Variants in BRIP1 observed in about 807,000 individuals in gnomAD.
BRIP1 encodes the protein Fanconi anemia group J protein.
BRIP1 carries 88 observed loss-of-function variants against 119.7 expected under a neutral mutation model. That is an observed-to-expected ratio of 0.74 (90% confidence interval 0.62 to 0.88). BRIP1 has a LOEUF of 0.88. BRIP1 is among the 40% of genes least tolerant of loss of function. BRIP1 has a pLI of 0.00. For synonymous variants in BRIP1, 443 were observed against 496.5 expected (o/e 0.89, Z 1.43); for missense variants, 1,259 against 1,455.4 (o/e 0.87, Z 2.20).
Position 61,700,706 on chromosome 17 carries a change from G to A in BRIP1, c.2493-7194C>T, listed in dbSNP as rs1337695523. On this transcript the variant is annotated intron_variant, in intron 17 of 19. Transcript: ENST00000259008. The surrounding 1 kb of genome is among the most constrained non-coding windows in gnomAD (Gnocchi z 4.1). ...TAACGTTTTTCATCAAATTCGGAAC[G>A]TTTTCAGCCATAATTTCTTTAAATA... 2.0e-5 allele frequency among the ~76,000 whole-genome samples: 3 copies of A among 152,044 alleles called. No homozygotes were observed. The highest frequency in any genetic ancestry group is 7.2e-5 in the African/African-American group (3 of 41,408).
At position 61,854,240 on chromosome 17, in the gene BRIP1, T is replaced by C. The variant is rs181511676; in HGVS notation, c.379+2818A>G. On this transcript the variant is annotated intron_variant, in intron 4 of 19. Transcript: ENST00000259008. ...GCCAAGTGAGCCAAGATCACAGTAC[T>C]GTACCCAGCCTGGGCAACAGAATGA... Among the ~76,000 whole-genome samples, 112 of 152,164 alleles carry C rather than the reference T, an allele frequency of 7.4e-4. No homozygotes were observed. In the East Asian group the frequency reaches 0.021, roughly 28 times the overall value.
intron 4 of BRIP1, among the ~76,000 whole-genome samples, chr17:61,849,742 A>G (rs1261402518): frequency 6.6e-6 from 1 of 152,182 alleles, no homozygotes; most frequent in Non-Finnish European, 1.5e-5. Flanking sequence ...TCACCAAATA[A>G]CATTAATTAT....
rs1301697804 is a variant in BRIP1 at position 61,754,633 on chromosome 17, C to T, written c.2098-10042G>A. ...TTCTTACAGTTATTAGTTTAAGCCA[C>T]AGATTGAGTGGCTTAAACAAGAGAA... On this transcript the variant is annotated intron_variant, in intron 14 of 19. Coordinates refer to ENST00000259008, the MANE Select transcript of BRIP1 (RefSeq NM_032043.3). The surrounding 1 kb of genome is among the most constrained non-coding windows in gnomAD (Gnocchi z 4.1). 6.6e-6 allele frequency among the ~76,000 whole-genome samples: 1 copy of T among 152,152 alleles called. No individual in the cohort carries two copies. The highest frequency in any genetic ancestry group is 2.4e-5 in the African/African-American group (1 of 41,426).
rs2077877960 is a variant in BRIP1 at position 61,794,968 on chromosome 17, T to C, written c.1341-1239A>G. Among the ~76,000 whole-genome samples, 4 of 152,090 alleles carry C rather than the reference T, an allele frequency of 2.6e-5. No individual in the cohort carries two copies. In the South Asian group the frequency reaches 6.2e-4, roughly 24 times the overall value. ...TTGAGGATCTGAAAGAAAGCCAATA[T>C]GATTTGCAGCACAATGGGCAAAAAT... On this transcript the variant is annotated intron_variant, in intron 9 of 19. Transcript: ENST00000259008. The surrounding 1 kb of genome is among the most constrained non-coding windows in gnomAD (Gnocchi z 4.3).
chr17:61,776,387 A>C lies in BRIP1; in HGVS notation c.2097+14T>G. 1 of 1,613,838 alleles carries C rather than the reference A, an allele frequency of 6.2e-7. No individual in the cohort carries two copies. Among genetic ancestry groups the C allele is most frequent in the Non-Finnish European group, 8.5e-7 (1 of 1,179,724 alleles). ...ATTATTTAAAGGCAAAAGAAACAAT[A>C]AATATTCCCTTACCTTGTAAGATGG... On this transcript the variant is annotated intron_variant, in intron 14 of 19. Transcript: ENST00000259008. The surrounding 1 kb of genome is among the most constrained non-coding windows in gnomAD (Gnocchi z 5.0).
Position 61,815,404 on chromosome 17 carries a change from G to GT in BRIP1, c.628-6648dup, listed in dbSNP as rs1294061163. On this transcript the variant is annotated intron_variant, in intron 6 of 19. Transcript: ENST00000259008. This position sits in a 1 kb window ranked among gnomAD's most constrained non-coding sequence, Gnocchi z 4.1. ...GGCTTTATTCCAGAATTTATATCTG[G>GT]TTTTTTAACGAAAATCAAATGGAAA... is the stretch of plus-strand genomic sequence containing the variant. Among the ~76,000 whole-genome samples the GT allele has an allele frequency of 6.6e-6, 1 of 152,048 alleles. No individual in the cohort carries two copies. The highest frequency in any genetic ancestry group is 1.9e-4 in the East Asian group (1 of 5,186).
At chr17:61,777,204 A>T (rs1426936068) in intron 13 of BRIP1, among the ~76,000 whole-genome samples, 1 of 152,196 alleles carries the variant, frequency 6.6e-6, no homozygotes, top group Admixed American at 6.5e-5. Context: ...GAAATTTCTA[A>T]TTTTTTGAAA....
rs776094225 is a variant in BRIP1 at position 61,843,737 on chromosome 17, A to G, written c.627+3364T>C. On this transcript the variant is annotated intron_variant, in intron 6 of 19. Coordinates refer to ENST00000259008, the MANE Select transcript of BRIP1 (RefSeq NM_032043.3). The surrounding 1 kb of genome is among the most constrained non-coding windows in gnomAD (Gnocchi z 5.7). ...CAGATGCTGACACCATGCTTCCTGC[A>G]CAGCCTACAGAACTGTGAGTGAAAA... Among the ~76,000 whole-genome samples, 9 of 152,126 alleles carry G rather than the reference A, an allele frequency of 5.9e-5. No homozygotes were observed. Among genetic ancestry groups the G allele is most frequent in the Non-Finnish European group, 1.2e-4 (8 of 68,012 alleles).
At position 61,681,613 on chromosome 17, in the gene BRIP1, A is replaced by G. The variant is rs1346473211; in HGVS notation, c.*1683T>C. On this transcript the variant is annotated 3_prime_UTR_variant, in exon 20 of 20. Coordinates refer to ENST00000259008, the MANE Select transcript of BRIP1 (RefSeq NM_032043.3). The surrounding 1 kb of genome is among the most constrained non-coding windows in gnomAD (Gnocchi z 5.1). ...TTGTTTCACCCTTTCAAAACAATGT[A>G]AAAATTACCTTCTAATCGAGTATTT... The G allele has an allele frequency of 1.0e-5, 2 of 200,760 alleles. No individual in the cohort carries two copies. The highest frequency in any genetic ancestry group is 2.1e-5 in the Non-Finnish European group (2 of 97,388). The allele number at this position is 200,760 out of a possible 1,614,324, so 12.4% of individuals were successfully genotyped here.
chr17:61,784,220 A>C lies in BRIP1; in HGVS notation c.1628+50T>G, dbSNP rs775662411. On this transcript the variant is annotated intron_variant, in intron 11 of 19. Transcript: ENST00000259008. The stretch of plus-strand genomic sequence containing the variant: ...ATGTATTAAACACATGCTAGCATCC[A>C]AATTAGGCTATTTTTAAAAGGAAAA... The C allele has an allele frequency of 3.2e-6, 5 of 1,551,904 alleles. No homozygotes were observed. Among genetic ancestry groups the C allele is most frequent in the Non-Finnish European group, 4.4e-6 (5 of 1,127,404 alleles).
In BRIP1 at chr17:61,689,488, G is replaced by A. The variant is rs1349319333; in HGVS notation, c.2576-3323C>T. 6.6e-6 allele frequency among the ~76,000 whole-genome samples: 1 copy of A among 152,128 alleles called. No homozygotes were observed. Among genetic ancestry groups the A allele is most frequent in the Admixed American group, 6.5e-5 (1 of 15,270 alleles). On this transcript the variant is annotated intron_variant, in intron 18 of 19. Transcript: ENST00000259008. This position sits in a 1 kb window ranked among gnomAD's most constrained non-coding sequence, Gnocchi z 4.5. ...TCTGGGAGTCCTAGAAAGAGAAAGA[G>A]AGAAAGGAGCAGAAAGCTTATTTAT...
rs539261407 is a variant in BRIP1 at position 61,860,483 on chromosome 17, A to T, written c.94-576T>A. Among the ~76,000 whole-genome samples, 70 of 152,132 alleles carry T rather than the reference A, an allele frequency of 4.6e-4. No homozygotes were observed. The highest frequency in any genetic ancestry group is 2.6e-3 in the Admixed American group (39 of 15,264). On this transcript the variant is annotated intron_variant, in intron 2 of 19. Transcript: ENST00000259008. This position sits in a 1 kb window ranked among gnomAD's most constrained non-coding sequence, Gnocchi z 4.1. ...GAGACCAGCCTGGCCAACACGGTGA[A>T]AACCCGTCTCTACTAAAAATCCAAA...
chr17:61,786,712 A>G (rs1353284692), intron 10 of BRIP1, among the ~76,000 whole-genome samples: 1 of 141,078 alleles, frequency 7.1e-6, no homozygotes, highest in East Asian at 2.0e-4. Flanking sequence ...CATGCTTACA[A>G]TTTACCTTTT....
intron 17 of BRIP1, among the ~76,000 whole-genome samples, chr17:61,715,153 T>C (rs1383581986): frequency 1.3e-5 from 2 of 149,914 alleles, no homozygotes; most frequent in South Asian, 2.2e-4. Flanking sequence ...TGAGCCGATA[T>C]CACGCCACTG....
In BRIP1 at chr17:61,755,511, A is replaced by T. The variant is rs2077188999; in HGVS notation, c.2098-10920T>A. On this transcript the variant is annotated intron_variant, in intron 14 of 19. Transcript: ENST00000259008. The surrounding 1 kb of genome is among the most constrained non-coding windows in gnomAD (Gnocchi z 4.5). Reference sequence around the variant, plus strand: ...GAGGTTGAGGCTGCACTGAGCTGTGATCATGCCACCGTACTCCAGCCTGGG... The same window carrying T: ...GAGGTTGAGGCTGCACTGAGCTGTGTTCATGCCACCGTACTCCAGCCTGGG... 6.6e-6 allele frequency among the ~76,000 whole-genome samples: 1 copy of T among 152,140 alleles called. No individual in the cohort carries two copies. Among genetic ancestry groups the T allele is most frequent in the Non-Finnish European group, 1.5e-5 (1 of 68,020 alleles).
chr17:61,854,445 G>A (rs1269003394), intron 4 of BRIP1, among the ~76,000 whole-genome samples: 1 of 152,120 alleles, frequency 6.6e-6, no homozygotes, highest in Non-Finnish European at 1.5e-5. Flanking sequence ...GGTGGCTCAC[G>A]CCTGTAATCC....
In BRIP1 at chr17:61,742,498, A is replaced by C. The variant is rs1344291541; in HGVS notation, c.2379+515T>G. Among the ~76,000 whole-genome samples the C allele has an allele frequency of 6.6e-6, 1 of 152,132 alleles. No individual in the cohort carries two copies. The highest frequency in any genetic ancestry group is 2.4e-5 in the African/African-American group (1 of 41,400). ...TTAATCATGTCTCGCCTTTGATTTAAAGTAGGAAGCATGCAACACTTCCTT... is the reference window on the plus strand; with the variant it reads ...TTAATCATGTCTCGCCTTTGATTTACAGTAGGAAGCATGCAACACTTCCTT... On this transcript the variant is annotated intron_variant, in intron 16 of 19. Transcript: ENST00000259008. This position sits in a 1 kb window ranked among gnomAD's most constrained non-coding sequence, Gnocchi z 4.7.
Position 61,743,601 on chromosome 17 carries a change from A to C in BRIP1, c.2258-467T>G, listed in dbSNP as rs1409075313. The stretch of plus-strand genomic sequence containing the variant: ...AGAACACCATAATATATACACCATA[A>C]AAAGATACTGATATGTTATATTACC... On this transcript the variant is annotated intron_variant, in intron 15 of 19. Coordinates refer to ENST00000259008, the MANE Select transcript of BRIP1 (RefSeq NM_032043.3). This position sits in a 1 kb window ranked among gnomAD's most constrained non-coding sequence, Gnocchi z 4.3. Among the ~76,000 whole-genome samples the C allele has an allele frequency of 2.0e-5, 3 of 152,186 alleles. No homozygotes were observed. Among genetic ancestry groups the C allele is most frequent in the South Asian group, 2.1e-4 (1 of 4,834 alleles).
At position 61,684,228 on chromosome 17, in the gene BRIP1, T is replaced by G. The variant is rs2061328652; in HGVS notation, c.2906-88A>C. ...AAAATAATTATTTATTAGAAATACC[T>G]AAATAACTGTATAGGATACATAACT... On this transcript the variant is annotated intron_variant, in intron 19 of 19. Coordinates refer to ENST00000259008, the MANE Select transcript of BRIP1 (RefSeq NM_032043.3). This position sits in a 1 kb window ranked among gnomAD's most constrained non-coding sequence, Gnocchi z 4.5. The G allele has an allele frequency of 1.4e-6, 2 of 1,415,918 alleles. No individual in the cohort carries two copies. 87.7% of individuals were successfully genotyped at this position (1,415,918 alleles called of 1,614,324 possible).
Sources: gnomAD v4.1 joint callset for allele counts (sites outside exome capture counted in the v4.1 genomes callset) on GRCh38, gnomAD v4.1.1 for gene constraint, Gnocchi (gnomAD v3.1) non-coding constraint, MANE v1.5 for transcripts, NCBI Gene and HGNC (gene_info 2026-07-23, HGNC 2026-07-21) for gene names.